RPS17: variants seen among roughly 807,000 people sequenced by gnomAD.
RPS17 encodes the protein ribosomal protein S17.
For synonymous variants in RPS17, 75 were observed against 65.6 expected (o/e 1.14, Z -0.70); for missense variants, 68 against 182.3 (o/e 0.37, Z 3.61).
intron 4 of RPS17, 80 bp downstream of exon 4, chr15:82,538,226 C>G: frequency 6.7e-7 from 1 of 1,502,360 alleles, no homozygotes; most frequent in Non-Finnish European, 9.2e-7. Flanking sequence ...CACTTACTAG[C>G]TGGGTGACCT....
In RPS17 at chr15:82,540,438, T is replaced by C; in HGVS notation, c.-10A>G. ...CCAAAACACCTACCATGTTGGCGGG[T>C]CCTTGGTAAAAGAGGAAACAGGAAG... On this transcript the variant is annotated 5_prime_UTR_variant, in exon 1 of 5. Transcript: ENST00000647841. 2 of 1,593,006 alleles carry C rather than the reference T, an allele frequency of 1.3e-6. No individual in the cohort carries two copies. The highest frequency in any genetic ancestry group is 1.7e-6 in the Non-Finnish European group (2 of 1,171,218).
intron 4 of RPS17, 170 bp downstream of exon 4, chr15:82,538,136 T>C: frequency 1.4e-6 from 1 of 709,608 alleles, no homozygotes; most frequent in Non-Finnish European, 2.6e-6. Flanking sequence ...ACTAACTCAA[T>C]GCACACAACT....
intron 2 of RPS17, chr15:82,539,429 T>G: frequency 2.2e-6 from 1 of 460,250 alleles, no homozygotes; most frequent in South Asian, 1.5e-5. Context: ...GGCTCACGCC[T>G]GTAATCCCAG....
chr15:82,539,224 A>T, intron 2 of RPS17: 1 of 630,178 alleles, frequency 1.6e-6, no homozygotes, highest in Non-Finnish European at 2.9e-6. Context: ...CCCCACCCCC[A>T]ACTCGCCCCG....
At chr15:82,539,319 C>T (rs2034299605) in intron 2 of RPS17, 1 of 503,242 alleles carries the variant, frequency 2.0e-6, no homozygotes, top group African/African-American at 1.9e-5. Flanking sequence ...AATACGTTGA[C>T]TTTGGCACTA....
intron 4 of RPS17, chr15:82,537,953 G>A: frequency 2.2e-6 from 1 of 463,016 alleles, no homozygotes; most frequent in South Asian, 1.5e-5. Flanking sequence ...TTTCTGAGTG[G>A]TTAGCATGGA....
At chr15:82,540,241 G>T in intron 1 of RPS17, 109 bp from the exon 2 acceptor site, 1 of 1,608,320 alleles carries the variant, frequency 6.2e-7, no homozygotes, top group South Asian at 1.1e-5. Flanking sequence ...GCGCTGAGCC[G>T]GAGAGGGCCC....
chr15:82,540,306 T>C, intron 1 of RPS17, 120 bp downstream of exon 1: 1 of 1,584,522 alleles, frequency 6.3e-7, no homozygotes, highest in Non-Finnish European at 8.6e-7. Flanking sequence ...CCCGTTGCGC[T>C]CCAGCCTGAC....
chr15:82,539,234 G>A (rs2034297280), intron 2 of RPS17: 5 of 532,446 alleles, frequency 9.4e-6, no homozygotes, highest in Admixed American at 3.0e-5. Context: ...AACTCGCCCC[G>A]CCCCGCCCCG....
intron 4 of RPS17, chr15:82,537,283 C>A (rs1651960): frequency 0.63 from 198,083 of 312,412 alleles, 63,792 homozygotes; most frequent in African/African-American, 0.76. Context: ...GCCTCTACCC[C>A]TTAGAAGTTA....
Position 82,536,889 on chromosome 15 carries a change from G to A in RPS17, c.328-8C>T, listed in dbSNP as rs1299121209. The A allele has an allele frequency of 9.9e-6, 16 of 1,613,874 alleles. No individual in the cohort carries two copies. Among genetic ancestry groups the A allele is most frequent in the African/African-American group, 1.3e-5 (1 of 74,926 alleles). On this transcript the variant is annotated splice_region_variant and splice_polypyrimidine_tract_variant and intron_variant, in intron 4 of 4. Transcript: ENST00000647841. ...GGACAGACTGCCGAAGTCCTGGAAC[G>A]AGAAAATGGATTCAGTGAGCAGTTA...
At chr15:82,539,563 C>A (rs2034306190) in intron 2 of RPS17, 2 of 430,028 alleles carry the variant, frequency 4.7e-6, no homozygotes, top group Admixed American at 2.5e-5. Context: ...GTAGCACGTG[C>A]CTCTAATCCC....
intron 4 of RPS17, chr15:82,538,050 A>ACCAAGAACAGAAGCAGCCAAG: frequency 1.8e-6 from 1 of 541,566 alleles, no homozygotes; most frequent in Non-Finnish European, 3.6e-6. Context: ...CAGCTATAAA[A>ACCAAGAACAGAAGCAGCCAAG]CCAAGAACAG....
At chr15:82,540,155 C>A in intron 1 of RPS17, 23 bp from the exon 2 acceptor site, 1 of 1,613,698 alleles carries the variant, frequency 6.2e-7, no homozygotes. Flanking sequence ...AGGACAGGAT[C>A]ACTCACGAGC....
chr15:82,537,102 T>C, intron 4 of RPS17: 1 of 636,858 alleles, frequency 1.6e-6, no homozygotes. Context: ...TTTACAACTC[T>C]ATGACTTTTA....
chr15:82,539,386 A>G, intron 2 of RPS17: 1 of 464,660 alleles, frequency 2.2e-6, no homozygotes, highest in Admixed American at 2.3e-5. Flanking sequence ...CTGTGAAGTA[A>G]GCATTAGAAG....
chr15:82,538,602 C>T, intron 3 of RPS17: 1 of 664,040 alleles, frequency 1.5e-6, no homozygotes. Flanking sequence ...TCTGTGTTTA[C>T]ACCAAAGAAT....
At chr15:82,539,893 C>G in intron 2 of RPS17, 88 bp downstream of exon 2, 1 of 1,606,344 alleles carries the variant, frequency 6.2e-7, no homozygotes, top group African/African-American at 1.3e-5. Context: ...AACGAAACCA[C>G]CAAGGCACCG....
chr15:82,539,056 T>A, intron 2 of RPS17, 71 bp from the exon 3 acceptor site: 1 of 1,473,652 alleles, frequency 6.8e-7, no homozygotes, highest in Middle Eastern at 1.7e-4. Context: ...TGAGCACATG[T>A]GCATATATAA....
Sources: gnomAD v4.1 joint callset for allele counts on GRCh38, gnomAD v4.1.1 for gene constraint, MANE v1.5 for transcripts, NCBI Gene and HGNC (gene_info 2026-07-23, HGNC 2026-07-21) for gene names.